The following PRKCZ variants were observed in gnomAD, a reference collection of about 807,000 sequenced individuals.
PRKCZ encodes protein kinase C zeta type.
A neutral mutation model predicts 79.5 loss-of-function variants in PRKCZ; 33 were observed. The ratio of observed to expected loss-of-function variants is 0.41; its 90% confidence interval spans 0.31 to 0.55. PRKCZ has a LOEUF of 0.55. Among genes scored for constraint, PRKCZ ranks in the 20% least tolerant of loss-of-function variants. PRKCZ has a pLI of 0.19. For synonymous variants in PRKCZ, 342 were observed against 320.9 expected (o/e 1.07, Z -0.70); for missense variants, 578 against 813.5 (o/e 0.71, Z 3.52).
At position 2,124,303 on chromosome 1, in the gene PRKCZ, A is replaced by G. The variant is rs78390969; in HGVS notation, c.335-10959A>G. Among the ~76,000 whole-genome samples the G allele has an allele frequency of 2.0e-3, 222 of 113,478 alleles. 60 individuals are homozygous for G. Among genetic ancestry groups the G allele is most frequent in the Middle Eastern group, 4.4e-3 (1 of 228 alleles). 74.4% of individuals were successfully genotyped at this position (113,478 alleles called of 152,430 possible). ...CGGCTGTAGTTAGCGTCACGGTGGT[A>G]GTTAGGGTCACGGTGGTGGTTAGGG... On this transcript the variant is annotated intron_variant, in intron 4 of 17. Coordinates refer to ENST00000378567, the MANE Select transcript of PRKCZ (RefSeq NM_002744.6).
At chr1:2,074,557 T>C (rs1662037266) in intron 4 of PRKCZ, 2 of 566,500 alleles carry the variant, frequency 3.5e-6, no homozygotes. Context: ...CTGGTAGTGG[T>C]AACAGCCAGC....
intron 4 of PRKCZ, among the ~76,000 whole-genome samples, chr1:2,107,866 C>T (rs1160708788): frequency 6.6e-6 from 1 of 151,884 alleles, no homozygotes; most frequent in Non-Finnish European, 1.5e-5. Flanking sequence ...GTCGAGGGAG[C>T]CCCCAACACC....
intron 16 of PRKCZ, among the ~76,000 whole-genome samples, chr1:2,180,386 A>ACGCACAGACGACG (rs1686338963): frequency 6.6e-6 from 1 of 151,060 alleles, no homozygotes; most frequent in Non-Finnish European, 1.5e-5. Context: ...CACAGACGAC[A>ACGCACAGACGACG]TGGACGCACA....
intron 6 of PRKCZ, 159 bp downstream of exon 6, chr1:2,144,500 T>C (rs1264938496): frequency 9.0e-6 from 13 of 1,443,300 alleles, no homozygotes; most frequent in African/African-American, 1.4e-5. Flanking sequence ...GGCGGCAGTC[T>C]TGGATAGGAC....
intron 5 of PRKCZ, among the ~76,000 whole-genome samples, chr1:2,135,610 T>C (rs1039831431): frequency 5.3e-5 from 8 of 152,178 alleles, no homozygotes; most frequent in East Asian, 1.9e-4. Context: ...GTGACTCTTA[T>C]CAGGGCTCAG....
At chr1:2,084,777 G>A (rs1016912952) in intron 4 of PRKCZ, among the ~76,000 whole-genome samples, 6 of 152,182 alleles carry the variant, frequency 3.9e-5, no homozygotes, top group Non-Finnish European at 8.8e-5. Flanking sequence ...GGCCTAGCCA[G>A]GTGGATCGCC....
chr1:2,114,540 C>T lies in PRKCZ; in HGVS notation c.335-20722C>T, dbSNP rs186577220. On this transcript the variant is annotated intron_variant, in intron 4 of 17. Transcript: ENST00000378567. The stretch of plus-strand genomic sequence containing the variant: ...CCTGTAATCCCAGCACTTTGGGAGG[C>T]CGAGGCGGGTAGATCACGAGGTCAG... 8.1e-3 allele frequency among the ~76,000 whole-genome samples: 1,228 copies of T among 152,260 alleles called. 28 individuals are homozygous for T. The highest frequency in any genetic ancestry group is 0.028 in the African/African-American group (1,149 of 41,534).
chr1:2,110,996 A>C (rs1046551007), intron 4 of PRKCZ, among the ~76,000 whole-genome samples: 1 of 151,838 alleles, frequency 6.6e-6, no homozygotes, highest in Non-Finnish European at 1.5e-5. Context: ...GAGCTCCCCC[A>C]CCCTACCCCG....
chr1:2,059,475 C>G, intron 3 of PRKCZ, 66 bp from the exon 4 acceptor site: 1 of 1,587,414 alleles, frequency 6.3e-7, no homozygotes, highest in South Asian at 1.1e-5. Context: ...GGCGGGACTT[C>G]CTCCGTGAGA....
Position 2,172,218 on chromosome 1 carries a change from C to G in PRKCZ, c.1197+28C>G. ...GCGTGCCTTGGACCGCCTCCCCTGA[C>G]CATCCCGCATGTGCGTCTCGGGGCG... On this transcript the variant is annotated intron_variant, in intron 12 of 17. Transcript: ENST00000378567. The surrounding 1 kb of genome is among the most constrained non-coding windows in gnomAD (Gnocchi z 7.8). 1 of 1,613,462 alleles carries G rather than the reference C, an allele frequency of 6.2e-7. No homozygotes were observed. The highest frequency in any genetic ancestry group is 8.5e-7 in the Non-Finnish European group (1 of 1,179,998).
At chr1:2,059,734 A>T (rs2247923) in intron 4 of PRKCZ, 143 bp downstream of exon 4, 1 of 1,071,900 alleles carries the variant, frequency 9.3e-7, no homozygotes. Flanking sequence ...TGGTGACCGC[A>T]GGTGGGGTTT....
chr1:2,112,588 A>G lies in PRKCZ; in HGVS notation c.335-22674A>G, dbSNP rs1327934857. Among the ~76,000 whole-genome samples, 4 of 152,086 alleles carry G rather than the reference A, an allele frequency of 2.6e-5. No homozygotes were observed. The East Asian group carries it at 7.7e-4, about 29-fold the overall frequency. On this transcript the variant is annotated intron_variant, in intron 4 of 17. Coordinates refer to ENST00000378567, the MANE Select transcript of PRKCZ (RefSeq NM_002744.6). Reference sequence around the variant, plus strand: ...CACACGTTTCCTCCTCCTTCTCTGGATGCCTGTAATCATCACAGTACTCAA... The same window carrying G: ...CACACGTTTCCTCCTCCTTCTCTGGGTGCCTGTAATCATCACAGTACTCAA...
intron 4 of PRKCZ, among the ~76,000 whole-genome samples, chr1:2,118,425 C>T (rs1262594427): frequency 6.6e-6 from 1 of 151,246 alleles, no homozygotes; most frequent in African/African-American, 2.4e-5. Context: ...GCAAGCTCTG[C>T]CTCCTGGGTT....
chr1:2,135,699 G>A (rs1676055427), intron 5 of PRKCZ, among the ~76,000 whole-genome samples: 1 of 152,212 alleles, frequency 6.6e-6, no homozygotes, highest in Admixed American at 6.5e-5. Flanking sequence ...GCGCCAGGGT[G>A]TGTGTTTTCA....
chr1:2,118,754 T>A (rs1008828493), intron 4 of PRKCZ, among the ~76,000 whole-genome samples: 8 of 136,046 alleles, frequency 5.9e-5, no homozygotes, highest in East Asian at 2.0e-4. Context: ...TGTGTGTGTG[T>A]GAGATGAGGG....
chr1:2,134,377 C>T (rs1301101962), intron 4 of PRKCZ, among the ~76,000 whole-genome samples: 2 of 152,194 alleles, frequency 1.3e-5, no homozygotes, highest in Non-Finnish European at 2.9e-5. Flanking sequence ...TCATGAAAGT[C>T]GCTTTTATGA....
chr1:2,165,455 G>A lies in PRKCZ; in HGVS notation c.975-4063G>A, dbSNP rs1053592592. On this transcript the variant is annotated intron_variant, in intron 10 of 17. Transcript: ENST00000378567. This position sits in a 1 kb window ranked among gnomAD's most constrained non-coding sequence, Gnocchi z 4.1. Reference sequence around the variant, plus strand: ...TCGGCTTCCCCATCTGTAAAATGGCGAGAGCTGAACTTACTTCCTGGTGAT... The same window carrying A: ...TCGGCTTCCCCATCTGTAAAATGGCAAGAGCTGAACTTACTTCCTGGTGAT... 6.6e-6 allele frequency among the ~76,000 whole-genome samples: 1 copy of A among 152,166 alleles called. No individual in the cohort carries two copies. The highest frequency in any genetic ancestry group is 1.5e-5 in the Non-Finnish European group (1 of 68,022).
At chr1:2,071,207 A>C in intron 4 of PRKCZ, 1 of 264,868 alleles carries the variant, frequency 3.8e-6, no homozygotes, top group South Asian at 3.0e-5. Flanking sequence ...TCCTCTGTAA[A>C]AGGGGGCTTT....
At chr1:2,077,434 G>T (rs1271187288) in intron 4 of PRKCZ, among the ~76,000 whole-genome samples, 2 of 152,202 alleles carry the variant, frequency 1.3e-5, no homozygotes, top group African/African-American at 2.4e-5. Context: ...TCTTCTGTTT[G>T]TTCCTCAGCG....
Sources: gnomAD v4.1 joint callset for allele counts (sites outside exome capture counted in the v4.1 genomes callset) on GRCh38, gnomAD v4.1.1 for gene constraint, Gnocchi (gnomAD v3.1) non-coding constraint, MANE v1.5 for transcripts, NCBI Gene and HGNC (gene_info 2026-07-23, HGNC 2026-07-21) for gene names.